Variants in GRM7 observed in about 807,000 individuals in gnomAD.
GRM7 encodes the protein glutamate metabotropic receptor 7.
Under a neutral mutation model 84.5 loss-of-function variants are expected in GRM7, and 35 were observed. The ratio of observed to expected loss-of-function variants is 0.41; its 90% CI spans 0.32 to 0.55. GRM7 has a LOEUF of 0.55. Among genes scored for constraint, GRM7 ranks in the 20% least tolerant of loss-of-function variants. The pLI is 0.19. For synonymous variants in GRM7, 487 were observed against 455.1 expected (o/e 1.07, Z -0.89); for missense variants, 1,003 against 1,194.6 (o/e 0.84, Z 2.36).
chr3:7,696,293 G>A (rs1370749605), intron 9 of GRM7, among the ~76,000 whole-genome samples: 1 of 152,144 alleles, frequency 6.6e-6, no homozygotes, highest in Non-Finnish European at 1.5e-5. Context: ...TGTTCTCTTA[G>A]TTGAGAAGGT....
intron 7 of GRM7, among the ~76,000 whole-genome samples, chr3:7,531,696 A>T (rs1056384128): frequency 2.0e-4 from 30 of 152,176 alleles, no homozygotes; most frequent in Admixed American, 1.7e-3. Flanking sequence ...GCTTAAGTCA[A>T]TTTGGGGCTG....
At chr3:7,360,137 CTGTGTGTGTGTGTG>C (rs58123164) in intron 4 of GRM7, among the ~76,000 whole-genome samples, 9 of 136,032 alleles carry the variant, frequency 6.6e-5, no homozygotes, top group South Asian at 2.3e-4. Context: ...TTTTTTCCCT[CTGTGTGTGTGTGTG>C]TGTGTGTGTG....
chr3:7,379,261 G>A (rs1028159542), intron 4 of GRM7, among the ~76,000 whole-genome samples: 2 of 151,966 alleles, frequency 1.3e-5, no homozygotes, highest in African/African-American at 4.8e-5. Context: ...TTTTAGTAGA[G>A]ACTGGGTTTC....
At chr3:7,238,584 C>T (rs993370916) in intron 2 of GRM7, among the ~76,000 whole-genome samples, 3 of 152,018 alleles carry the variant, frequency 2.0e-5, no homozygotes, top group Non-Finnish European at 2.9e-5. Context: ...TCAGGCTTAG[C>T]ATACAGAAGA....
chr3:6,950,951 T>A (rs1466228284), intron 1 of GRM7, among the ~76,000 whole-genome samples: 3 of 152,238 alleles, frequency 2.0e-5, no homozygotes, highest in Non-Finnish European at 4.4e-5. Flanking sequence ...AGGTGCAGTC[T>A]GTCACCCCTT....
chr3:7,637,401 T>C (rs1004846230), intron 8 of GRM7, among the ~76,000 whole-genome samples: 3 of 152,322 alleles, frequency 2.0e-5, no homozygotes, highest in African/African-American at 4.8e-5. Context: ...AAGCCAGCCA[T>C]TGAGTCAAAG....
At chr3:7,005,975 G>T (rs1056416465) in intron 1 of GRM7, among the ~76,000 whole-genome samples, 3 of 152,136 alleles carry the variant, frequency 2.0e-5, no homozygotes, top group Non-Finnish European at 2.9e-5. Flanking sequence ...TAACGAAGGG[G>T]ATATAGCCAA....
chr3:7,674,987 A>T (rs1174701361), intron 8 of GRM7, among the ~76,000 whole-genome samples: 1 of 152,226 alleles, frequency 6.6e-6, no homozygotes, highest in Non-Finnish European at 1.5e-5. Flanking sequence ...AACATGGTCA[A>T]GCATTAACAT....
chr3:7,042,109 T>C (rs1026526155), intron 1 of GRM7, among the ~76,000 whole-genome samples: 9 of 152,178 alleles, frequency 5.9e-5, no homozygotes, highest in African/African-American at 2.2e-4. Context: ...TCTTTTATAA[T>C]AAACTAGCAA....
At chr3:7,544,763 TA>T (rs1335754272) in intron 7 of GRM7, among the ~76,000 whole-genome samples, 3 of 152,222 alleles carry the variant, frequency 2.0e-5, no homozygotes, top group African/African-American at 7.2e-5. Context: ...GCCCCTTAAG[TA>T]TTTTTGACAC....
chr3:7,113,061 A>G (rs1042751517), intron 1 of GRM7, among the ~76,000 whole-genome samples: 2 of 152,192 alleles, frequency 1.3e-5, no homozygotes, highest in African/African-American at 4.8e-5. Context: ...TCCAAGGGAA[A>G]AAAAGTGATT....
At chr3:7,074,955 T>G (rs772524365) in intron 1 of GRM7, among the ~76,000 whole-genome samples, 6 of 152,228 alleles carry the variant, frequency 3.9e-5, no homozygotes, top group Non-Finnish European at 7.3e-5. Flanking sequence ...TAATAGCATT[T>G]TCACTGCATC....
At chr3:7,618,689 G>A (rs148628531) in intron 8 of GRM7, among the ~76,000 whole-genome samples, 1 of 152,140 alleles carries the variant, frequency 6.6e-6, no homozygotes, top group African/African-American at 2.4e-5. Flanking sequence ...CTTATGACGA[G>A]CCAACACAAA....
intron 2 of GRM7, among the ~76,000 whole-genome samples, chr3:7,278,930 G>T (rs1699165322): frequency 6.6e-6 from 1 of 152,142 alleles, no homozygotes; most frequent in Non-Finnish European, 1.5e-5. Context: ...AAATGTTATT[G>T]AAATCTTATT....
chr3:7,655,381 G>A (rs572334864), intron 8 of GRM7, among the ~76,000 whole-genome samples: 5 of 152,174 alleles, frequency 3.3e-5, no homozygotes, highest in Non-Finnish European at 5.9e-5. Context: ...GAAGCATGTG[G>A]CTCTATCCTT....
At chr3:7,192,601 A>G (rs2173508) in intron 2 of GRM7, among the ~76,000 whole-genome samples, 151,993 of 152,194 alleles carry the variant, frequency 1, 75,896 homozygotes, top group East Asian at 1. Flanking sequence ...CTAAGTGGCC[A>G]TTGACGCTCT....
chr3:6,867,449 A>T (rs1220451516), intron 1 of GRM7, among the ~76,000 whole-genome samples: 2 of 152,160 alleles, frequency 1.3e-5, no homozygotes, highest in Non-Finnish European at 1.5e-5. Context: ...AAACTGCAGG[A>T]TGTATAGGCC....
At chr3:7,604,464 G>A (rs1696466004) in intron 8 of GRM7, among the ~76,000 whole-genome samples, 1 of 152,062 alleles carries the variant, frequency 6.6e-6, no homozygotes, top group Admixed American at 6.6e-5. Context: ...TATGAATTTG[G>A]GCAAATTTCT....
Position 7,028,441 on chromosome 3 carries a change from T to C in GRM7, c.520-118011T>C, listed in dbSNP as rs200395890. Among the ~76,000 whole-genome samples the C allele has an allele frequency of 1.1e-4, 16 of 152,338 alleles. No homozygotes were observed. In the East Asian group the frequency reaches 3.1e-3, roughly 29 times the overall value. ...AAGCCAGAATGAGGGAATCTGTGTG[T>C]TAGTTTTAAAACTTTCAGATAATAA... On this transcript the variant is annotated intron_variant, in intron 1 of 9. Coordinates refer to ENST00000357716, the MANE Select transcript of GRM7 (RefSeq NM_000844.4).
Sources: allele counts gnomAD v4.1 joint callset (sites outside exome capture counted in the v4.1 genomes callset), GRCh38; gene constraint gnomAD v4.1.1; transcripts MANE v1.5; gene names NCBI Gene and HGNC (gene_info 2026-07-23, HGNC 2026-07-21).